Variants in KDM3B observed in about 807,000 individuals in gnomAD.
KDM3B encodes lysine-specific demethylase 3B.
Under a neutral mutation model 170.0 loss-of-function variants are expected in KDM3B, and 10 were observed. That is an observed-to-expected ratio of 0.06 (90% CI 0.04 to 0.10). The LOEUF (loss-of-function observed/expected upper bound fraction) is 0.10. Ranked by LOEUF, KDM3B falls within the 10% of genes least tolerant of loss-of-function variation. The probability of loss-of-function intolerance (pLI) is 1.00; values close to 1 mark genes in which losing one functional copy is unlikely to be tolerated. For synonymous variants in KDM3B, 831 were observed against 834.8 expected, an observed-to-expected ratio of 1.00 and a Z score of 0.08; for missense variants, 1,394 against 2,195.2, an observed-to-expected ratio of 0.64 and a Z score of 7.29.
chr5:138,418,490 G>T (rs996009547), intron 13 of KDM3B, among the ~76,000 whole-genome samples: 2 of 152,056 alleles, frequency 1.3e-5, no homozygotes, highest in Admixed American at 1.3e-4. Flanking sequence ...AATGCTGAGG[G>T]TTCTTGAGAT....
chr5:138,366,070 C>T (rs1334705555), intron 1 of KDM3B, among the ~76,000 whole-genome samples: 1 of 152,082 alleles, frequency 6.6e-6, no homozygotes, highest in Non-Finnish European at 1.5e-5. Flanking sequence ...TTCACTCTCT[C>T]ATCCCAACCC....
At position 138,393,430 on chromosome 5, in the gene KDM3B, A is replaced by C; in HGVS notation, c.2831+58A>C. The C allele has an allele frequency of 2.2e-6, 3 of 1,354,270 alleles. No individual in the cohort carries two copies. The Admixed American group carries it at 5.7e-5, about 26-fold the overall frequency. The allele number at this position is 1,354,270 out of a possible 1,614,324, so 83.9% of individuals were successfully genotyped here. On this transcript the variant is annotated intron_variant, in intron 9 of 23. Transcript: ENST00000314358. ...TTTTCATTAGTGACACATAACTTCC[A>C]CTCTTTCTCTGAGTCTATAAACATG...
intron 4 of KDM3B, among the ~76,000 whole-genome samples, chr5:138,379,361 C>T (rs1301095392): frequency 1.3e-5 from 2 of 151,808 alleles, no homozygotes; most frequent in African/African-American, 4.8e-5. Flanking sequence ...AAGGAATTTC[C>T]AAATAAATGA....
At chr5:138,354,442 C>T (rs534756703) in intron 1 of KDM3B, among the ~76,000 whole-genome samples, 1 of 152,312 alleles carries the variant, frequency 6.6e-6, no homozygotes, top group South Asian at 2.1e-4. Context: ...GCAAAACATA[C>T]TTAAGATCCA....
At chr5:138,355,789 A>G (rs896872847) in intron 1 of KDM3B, among the ~76,000 whole-genome samples, 5 of 152,252 alleles carry the variant, frequency 3.3e-5, no homozygotes, top group African/African-American at 9.6e-5. Context: ...GACCAAAAAA[A>G]GAAACCCATG....
intron 1 of KDM3B, among the ~76,000 whole-genome samples, chr5:138,371,510 C>T (rs1437019204): frequency 6.6e-6 from 1 of 150,884 alleles, no homozygotes; most frequent in Non-Finnish European, 1.5e-5. Flanking sequence ...AAAAATGTAG[C>T]TTCATTTAAT....
At chr5:138,363,875 C>G (rs1171266656) in intron 1 of KDM3B, among the ~76,000 whole-genome samples, 1 of 148,902 alleles carries the variant, frequency 6.7e-6, no homozygotes, top group Non-Finnish European at 1.5e-5. Flanking sequence ...TTGAGTTTTG[C>G]TTTTTCATTT....
chr5:138,428,180 T>A (rs916122767), intron 20 of KDM3B, 94 bp downstream of exon 20: 5 of 1,033,248 alleles, frequency 4.8e-6, no homozygotes, highest in South Asian at 3.8e-5. Context: ...TGGCTTTTCC[T>A]TTTTTTTTTC....
intron 1 of KDM3B, among the ~76,000 whole-genome samples, chr5:138,356,636 CTTTTTTTT>C (rs539401228): frequency 8.1e-5 from 7 of 85,996 alleles, no homozygotes; most frequent in Non-Finnish European, 1.5e-4. Flanking sequence ...TGTCTCTTGA[CTTTTTTTT>C]TTTTTTTTTT....
chr5:138,402,203 T>C (rs1320840022), intron 11 of KDM3B, among the ~76,000 whole-genome samples: 1 of 152,198 alleles, frequency 6.6e-6, no homozygotes, highest in Non-Finnish European at 1.5e-5. Context: ...GAATTATAGG[T>C]GTGAATCACT....
chr5:138,430,062 T>G (rs1252261185), intron 21 of KDM3B, 97 bp downstream of exon 21: 3 of 1,501,588 alleles, frequency 2.0e-6, no homozygotes, highest in Non-Finnish European at 2.7e-6. Flanking sequence ...TCCCTTGGCA[T>G]TAAAGACTTG....
chr5:138,423,608 G>A (rs1763326485), intron 15 of KDM3B, among the ~76,000 whole-genome samples: 1 of 152,206 alleles, frequency 6.6e-6, no homozygotes, highest in Admixed American at 6.5e-5. Context: ...CCTTCATTGA[G>A]GTACTCCCTG....
At chr5:138,412,013 T>C (rs1762982903) in intron 11 of KDM3B, among the ~76,000 whole-genome samples, 1 of 148,822 alleles carries the variant, frequency 6.7e-6, no homozygotes, top group Admixed American at 6.7e-5. Flanking sequence ...TCCGGCCTAA[T>C]ATAAAAGTTT....
chr5:138,419,389 C>G (rs1303821882), intron 14 of KDM3B, among the ~76,000 whole-genome samples, 157 bp downstream of exon 14: 2 of 152,120 alleles, frequency 1.3e-5, no homozygotes, highest in African/African-American at 4.8e-5. Context: ...GGCGTGGTGG[C>G]TCACGCGTGT....
intron 1 of KDM3B, among the ~76,000 whole-genome samples, chr5:138,353,424 C>A (rs1305493604): frequency 2.6e-5 from 4 of 152,228 alleles, no homozygotes; most frequent in African/African-American, 4.8e-5. Context: ...TCTCCCAGAG[C>A]CCCAAGTGGG....
At chr5:138,369,295 C>G (rs1761818018) in intron 1 of KDM3B, among the ~76,000 whole-genome samples, 1 of 152,144 alleles carries the variant, frequency 6.6e-6, no homozygotes, top group South Asian at 2.1e-4. Context: ...GGTAGCACTT[C>G]TCTTCTCTGG....
At chr5:138,416,543 C>G (rs957405865) in intron 12 of KDM3B, among the ~76,000 whole-genome samples, 1 of 137,792 alleles carries the variant, frequency 7.3e-6, no homozygotes, top group African/African-American at 2.7e-5. Context: ...GAGCCAAGAT[C>G]ATGCCACTGC....
chr5:138,384,456 G>C (rs1288815438), intron 6 of KDM3B, among the ~76,000 whole-genome samples: 1 of 151,844 alleles, frequency 6.6e-6, no homozygotes, highest in African/African-American at 2.4e-5. Context: ...ACAAAAATTA[G>C]GCCAGGTGCA....
chr5:138,431,152 C>T (rs1178521691), intron 22 of KDM3B, among the ~76,000 whole-genome samples: 2 of 151,436 alleles, frequency 1.3e-5, no homozygotes, highest in Non-Finnish European at 1.5e-5. Flanking sequence ...TTCGCCATAT[C>T]ACCGTATCAA....
Sources: gnomAD v4.1 joint callset for allele counts (sites outside exome capture counted in the v4.1 genomes callset) on GRCh38, gnomAD v4.1.1 for gene constraint, MANE v1.5 for transcripts, NCBI Gene and HGNC (gene_info 2026-07-23, HGNC 2026-07-21) for gene names.